PLAG1: variants seen among roughly 807,000 people sequenced by gnomAD.
The protein encoded by PLAG1 is PLAG1 zinc finger, also known as zinc finger protein PLAG1.
In PLAG1, 7 loss-of-function variants were observed where a neutral mutation model predicts 35.5. The observed-to-expected ratio is 0.20, with a 90% CI of 0.11 to 0.37. PLAG1 has a LOEUF of 0.37. PLAG1 is among the 10% of genes least tolerant of loss of function. The pLI is 1.00. For synonymous variants in PLAG1, 229 were observed against 225.4 expected, an observed-to-expected ratio of 1.02 and a Z score of -0.14; for missense variants, 454 against 602.8, an observed-to-expected ratio of 0.75 and a Z score of 2.58.
intron 1 of PLAG1, among the ~76,000 whole-genome samples, chr8:56,201,250 T>C (rs1303360375): frequency 6.6e-6 from 1 of 152,208 alleles, no homozygotes; most frequent in Non-Finnish European, 1.5e-5. Flanking sequence ...ATATTTTCAA[T>C]TGTCATCATG....
chr8:56,163,579 T>TA lies in PLAG1; in HGVS notation c.*2663dup, dbSNP rs2129223494. On this transcript the variant is annotated 3_prime_UTR_variant, in exon 5 of 5. Coordinates refer to ENST00000316981, the MANE Select transcript of PLAG1 (RefSeq NM_002655.3). The stretch of plus-strand genomic sequence containing the variant: ...GGCAAAGAGGTGTACACATGAAAAT[T>TA]AAGACTCCAAAATTTTAACACTGGT... 1 of 198,532 alleles carries TA rather than the reference T, an allele frequency of 5.0e-6. No individual in the cohort carries two copies. Among genetic ancestry groups the TA allele is most frequent in the African/African-American group, 2.3e-5 (1 of 43,326 alleles). The allele number at this position is 198,532 out of a possible 1,614,324, so 12.3% of individuals were successfully genotyped here. A position where few individuals can be genotyped will look rare whatever the true frequency, so the allele number is the denominator to read the frequency against.
At position 56,202,433 on chromosome 8, in the gene PLAG1, T is replaced by C. The variant is rs1295263068; in HGVS notation, c.-322+8688A>G. Among the ~76,000 whole-genome samples the C allele has an allele frequency of 2.6e-5, 4 of 152,208 alleles. No individual in the cohort carries two copies. The East Asian group carries it at 5.8e-4, about 22-fold the overall frequency. On this transcript the variant is annotated intron_variant, in intron 1 of 4. Transcript: ENST00000316981. ...AAACACATGCAAACAGCAAGAACAC[T>C]TGGAAGGGCCAATGGAAGCACACAA...
chr8:56,166,195 G>T lies in PLAG1; in HGVS notation c.*48C>A. 1 of 1,361,328 alleles carries T rather than the reference G, an allele frequency of 7.3e-7. No homozygotes were observed. The highest frequency in any genetic ancestry group is 1.5e-5 in the South Asian group (1 of 64,728). The allele number at this position is 1,361,328 out of a possible 1,614,324, so 84.3% of individuals were successfully genotyped here. The stretch of plus-strand genomic sequence containing the variant: ...GCACTAAAATAAAAATGGTCATCTA[G>T]GGCACAGCTACACATACATTTCTGT... On this transcript the variant is annotated 3_prime_UTR_variant, in exon 5 of 5. Transcript: ENST00000316981.
chr8:56,168,168 A>G lies in PLAG1; in HGVS notation c.102T>C (p.Phe34=), dbSNP rs1410466910. The change falls in exon 4 of 5, where the codon TTT becomes TTC. Residue 34 remains phenylalanine, a synonymous_variant. Transcript: ENST00000316981. The stretch of plus-strand genomic sequence containing the variant: ...AGGCCTTGTCACACAGTTGGCAAGG[A>G]AAGTTTTTTCTTGGTTTGGTTTCAC... ...KRGETKPRKN[F]PCQLCDKAFN... 2.5e-6 allele frequency: 4 copies of G among 1,613,572 alleles called. No individual in the cohort carries two copies. The highest frequency in any genetic ancestry group is 2.7e-5 in the African/African-American group (2 of 74,886).
intron 1 of PLAG1, among the ~76,000 whole-genome samples, chr8:56,181,962 C>T (rs1232907272): frequency 6.6e-6 from 1 of 152,144 alleles, no homozygotes; most frequent in Non-Finnish European, 1.5e-5. Context: ...TAGGGGAGGG[C>T]ATGACTGCCA....
intron 1 of PLAG1, among the ~76,000 whole-genome samples, chr8:56,199,838 G>A (rs1204396663): frequency 2.0e-5 from 3 of 152,186 alleles, no homozygotes; most frequent in Non-Finnish European, 4.4e-5. Flanking sequence ...CTAGACATCT[G>A]GTGAGAGGGT....
chr8:56,164,367 A>G lies in PLAG1; in HGVS notation c.*1876T>C, dbSNP rs904723623. The G allele has an allele frequency of 1.4e-5, 3 of 217,948 alleles. No individual in the cohort carries two copies. The highest frequency in any genetic ancestry group is 2.8e-5 in the Non-Finnish European group (3 of 108,284). The allele number at this position is 217,948 out of a possible 1,614,324, so 13.5% of individuals were successfully genotyped here. ...TATATATATATTGAAGCCCCCATTT[A>G]CATTATTACAATTTACATTTCTCCA... On this transcript the variant is annotated 3_prime_UTR_variant, in exon 5 of 5. Transcript: ENST00000316981.
intron 1 of PLAG1, among the ~76,000 whole-genome samples, chr8:56,184,781 G>C (rs1404047578): frequency 1.3e-5 from 2 of 152,104 alleles, no homozygotes; most frequent in African/African-American, 4.8e-5. Flanking sequence ...GCCGGTTGTG[G>C]TGGCAGGCGC....
At chr8:56,202,285 T>G (rs75078690) in intron 1 of PLAG1, among the ~76,000 whole-genome samples, 1,858 of 152,338 alleles carry the variant, frequency 0.012, 16 homozygotes, top group Non-Finnish European at 0.019. Flanking sequence ...ACTTTTATAT[T>G]AATTTTAATA....
At chr8:56,178,843 C>A (rs539064318) in intron 2 of PLAG1, among the ~76,000 whole-genome samples, 5 of 151,976 alleles carry the variant, frequency 3.3e-5, no homozygotes, top group Non-Finnish European at 7.4e-5. Context: ...GATTCTGTGA[C>A]ACTGAGCTGC....
intron 1 of PLAG1, among the ~76,000 whole-genome samples, chr8:56,210,828 GTTT>G (rs879595849): frequency 6.9e-6 from 1 of 144,032 alleles, no homozygotes; most frequent in Non-Finnish European, 1.5e-5. Context: ...CTGAATAAAG[GTTT>G]TTTTTTTTTT....
chr8:56,206,825 T>G (rs1463654370), intron 1 of PLAG1, among the ~76,000 whole-genome samples: 1 of 151,978 alleles, frequency 6.6e-6, no homozygotes, highest in Non-Finnish European at 1.5e-5. Context: ...TCTTAAGACA[T>G]TTAAAAATGG....
rs1811290614 is a variant in PLAG1 at position 56,164,309 on chromosome 8, G to A, written c.*1934C>T. ...GAGCAACTTTGATTCTATGAAGTGC[G>A]GTATGTGTGCATGTGTGTGTGTGTG... On this transcript the variant is annotated 3_prime_UTR_variant, in exon 5 of 5. Transcript: ENST00000316981. The A allele has an allele frequency of 9.2e-6, 2 of 217,634 alleles. No individual in the cohort carries two copies. The highest frequency in any genetic ancestry group is 9.2e-6 in the Non-Finnish European group (1 of 108,426). The allele number at this position is 217,634 out of a possible 1,614,324, so 13.5% of individuals were successfully genotyped here. A position where few individuals can be genotyped will look rare whatever the true frequency, so the allele number is the denominator to read the frequency against.
At chr8:56,183,135 C>CT in intron 1 of PLAG1, among the ~76,000 whole-genome samples, 1 of 152,228 alleles carries the variant, frequency 6.6e-6, no homozygotes, top group Non-Finnish European at 1.5e-5. Flanking sequence ...ACAAACAAAA[C>CT]TTGCAATAAA....
Position 56,171,205 on chromosome 8 carries a change from GA to G in PLAG1, c.-216-17del. On this transcript the variant is annotated splice_polypyrimidine_tract_variant and intron_variant, in intron 2 of 4. Coordinates refer to ENST00000316981, the MANE Select transcript of PLAG1 (RefSeq NM_002655.3). ...TTTGGCCAATCTATGAAAAAAAAGT[GA>G]AAATGGACTATCCTCTAAATGGAAC... The G allele has an allele frequency of 1.5e-6, 1 of 645,410 alleles. No homozygotes were observed. The highest frequency in any genetic ancestry group is 1.9e-6 in the Non-Finnish European group (1 of 518,798). The allele number at this position is 645,410 out of a possible 1,614,324, so 40.0% of individuals were successfully genotyped here. A position where few individuals can be genotyped will look rare whatever the true frequency, so the allele number is the denominator to read the frequency against.
chr8:56,170,738 T>A (rs955537506), intron 3 of PLAG1, among the ~76,000 whole-genome samples: 2 of 152,190 alleles, frequency 1.3e-5, no homozygotes, highest in Non-Finnish European at 2.9e-5. Flanking sequence ...TTATTAGAAG[T>A]GCACCAATAT....
intron 2 of PLAG1, among the ~76,000 whole-genome samples, chr8:56,177,659 C>A (rs1811745297): frequency 6.6e-6 from 1 of 152,168 alleles, no homozygotes; most frequent in African/African-American, 2.4e-5. Flanking sequence ...CTGGTCAGCA[C>A]CCTAGCATGT....
At chr8:56,182,818 G>C (rs1044081011) in intron 1 of PLAG1, among the ~76,000 whole-genome samples, 2 of 152,164 alleles carry the variant, frequency 1.3e-5, no homozygotes, top group African/African-American at 2.4e-5. Context: ...GAAGAAAGTG[G>C]GGCATTCTTG....
In PLAG1 at chr8:56,166,792, T is replaced by G; in HGVS notation, c.954A>C (p.Pro318=). ...AGGGATGAACAGTGTCCATATCTAT[T>G]GGGCATGTCATTCCCAAAGGTAAAG... ...ITTLPLGMTC[P]IDMDTVHPSH... is the part of the protein sequence containing the mutation. Residue 318 remains proline, a synonymous_variant, in exon 5 of 5, where the codon CCA becomes CCC. Transcript: ENST00000316981. 6.2e-7 allele frequency: 1 copy of G among 1,614,112 alleles called. No homozygotes were observed. The highest frequency in any genetic ancestry group is 8.5e-7 in the Non-Finnish European group (1 of 1,179,954).
Sources: gnomAD v4.1 joint callset for allele counts (sites outside exome capture counted in the v4.1 genomes callset) on GRCh38, gnomAD v4.1.1 for gene constraint, MANE v1.5 for transcripts, NCBI Gene and HGNC (gene_info 2026-07-23, HGNC 2026-07-21) for gene names.